The following IVD variants were observed in gnomAD, a reference collection of about 807,000 sequenced individuals.
IVD encodes the protein isovaleryl-CoA dehydrogenase, mitochondrial.
A neutral mutation model predicts 51.3 loss-of-function variants in IVD; 31 were observed. That is an observed-to-expected ratio of 0.60 (90% CI 0.45 to 0.81). IVD has a LOEUF of 0.81. Among genes scored for constraint, IVD ranks in the 40% least tolerant of loss-of-function variants. IVD has a pLI of 0.00. For missense variants in IVD, 475 were observed against 552.0 expected (o/e 0.86, Z 1.40); for synonymous variants, 205 against 219.4 (o/e 0.93, Z 0.58).
In IVD at chr15:40,419,618, T is replaced by A. The variant is rs567297452; in HGVS notation, c.*1355T>A. The A allele has an allele frequency of 1.8e-4, 29 of 161,004 alleles. No individual in the cohort carries two copies. The highest frequency in any genetic ancestry group is 6.5e-4 in the African/African-American group (27 of 41,498). 10.0% of individuals were successfully genotyped at this position (161,004 alleles called of 1,614,324 possible). A position where few individuals can be genotyped will look rare whatever the true frequency, so the allele number is the denominator to read the frequency against. ...CGAGGTCAGGAGTTCAAGACCAGCC[T>A]GGCCAAGATGGTAAAACCTCGTCTC... On this transcript the variant is annotated 3_prime_UTR_variant, in exon 12 of 12. Transcript: ENST00000487418.
Position 40,416,201 on chromosome 15 carries a change from C to A in IVD, c.1065+19C>A. On this transcript the variant is annotated intron_variant, in intron 10 of 11. Coordinates refer to ENST00000487418, the MANE Select transcript of IVD (RefSeq NM_002225.5). ...TGCTAAGGTGAGGGCCAGCCTCAGT[C>A]GGGGAGAGGCGGGGGCAGTGGACCA... 1 of 1,613,202 alleles carries A rather than the reference C, an allele frequency of 6.2e-7. No individual in the cohort carries two copies. The highest frequency in any genetic ancestry group is 1.1e-5 in the South Asian group (1 of 91,022).
downstream of IVD, among the ~76,000 whole-genome samples, chr15:40,423,450 T>G (rs1892479554): frequency 6.6e-6 from 1 of 152,146 alleles, no homozygotes; most frequent in Non-Finnish European, 1.5e-5. Flanking sequence ...TGTAAGCACT[T>G]TTAAGGATAG....
In IVD at chr15:40,420,247, G is replaced by T; in HGVS notation, c.*1984G>T. On this transcript the variant is annotated 3_prime_UTR_variant, in exon 12 of 12. Coordinates refer to ENST00000487418, the MANE Select transcript of IVD (RefSeq NM_002225.5). The stretch of plus-strand genomic sequence containing the variant: ...GAGCCCTTGTGCACCGCCCTGCCAC[G>T]GGCACCATCCAGTCCTGGCCGTGTG... 2 of 987,388 alleles carry T rather than the reference G, an allele frequency of 2.0e-6. No individual in the cohort carries two copies. Among genetic ancestry groups the T allele is most frequent in the Non-Finnish European group, 2.4e-6 (2 of 830,210 alleles). 61.2% of individuals were successfully genotyped at this position (987,388 alleles called of 1,614,324 possible). A position where few individuals can be genotyped will look rare whatever the true frequency, so the allele number is the denominator to read the frequency against.
rs375795386 is a variant in IVD, at chr15:40,413,107, G to A, written c.784+20G>A. ...TTCCTGGTAAGTAGCACCGGGAATC[G>A]GGGAGCCCCTCTCCTGACCCCCTTC... On this transcript the variant is annotated intron_variant, in intron 7 of 11. Coordinates refer to ENST00000487418, the MANE Select transcript of IVD (RefSeq NM_002225.5). 33 of 1,589,242 alleles carry A rather than the reference G, an allele frequency of 2.1e-5. No individual in the cohort carries two copies. The Admixed American group carries it at 2.7e-4, about 13-fold the overall frequency.
rs752443646 is a variant in IVD, at chr15:40,416,197, C to CA, written c.1065+16dup. 3.1e-6 allele frequency: 5 copies of CA among 1,613,862 alleles called. No homozygotes were observed. In the African/African-American group the frequency reaches 6.7e-5, roughly 22 times the overall value. ...GCACTGCTAAGGTGAGGGCCAGCCT[C>CA]AGTCGGGGAGAGGCGGGGGCAGTGG... On this transcript the variant is annotated intron_variant, in intron 10 of 11. Coordinates refer to ENST00000487418, the MANE Select transcript of IVD (RefSeq NM_002225.5).
downstream of IVD, among the ~76,000 whole-genome samples, chr15:40,425,644 C>T (rs1490561403): frequency 6.6e-6 from 1 of 151,872 alleles, no homozygotes; most frequent in Admixed American, 6.6e-5. Flanking sequence ...CCTGGGCCTC[C>T]TAGGTAACTG....
intron 6 of IVD, chr15:40,412,673 C>T: frequency 2.6e-6 from 1 of 384,996 alleles, no homozygotes; most frequent in Non-Finnish European, 5.0e-6. Context: ...GTGACAGTGT[C>T]TTGGAAGTAA....
downstream of IVD, chr15:40,435,778 A>C: frequency 4.4e-6 from 4 of 899,816 alleles, no homozygotes; most frequent in Non-Finnish European, 5.3e-6. Context: ...TCCCCTACCT[A>C]TGGCAGCCTG....
chr15:40,420,440 GAAAC>G lies in IVD; in HGVS notation c.*2182_*2185del, dbSNP rs1892195478. ...TGCCATTTTGTATTAAATATATTGT[GAAAC>G]AAACCTATCTGGGGAGAAGCAATCT... On this transcript the variant is annotated 3_prime_UTR_variant, in exon 12 of 12. Coordinates refer to ENST00000487418, the MANE Select transcript of IVD (RefSeq NM_002225.5). 2.0e-6 allele frequency: 2 copies of G among 987,520 alleles called. No homozygotes were observed. Among genetic ancestry groups the G allele is most frequent in the South Asian group, 9.4e-5 (2 of 21,388 alleles). The allele number at this position is 987,520 out of a possible 1,614,324, so 61.2% of individuals were successfully genotyped here. A position where few individuals can be genotyped will look rare whatever the true frequency, so the allele number is the denominator to read the frequency against.
At chr15:40,415,316 T>G (rs761989230) in intron 8 of IVD, 85 bp from the exon 9 acceptor site, 7 of 1,190,146 alleles carry the variant, frequency 5.9e-6, no homozygotes, top group African/African-American at 1.5e-5. Context: ...TCCCTGGGAT[T>G]CTGGCCTTCC....
intron 9 of IVD, 76 bp from the exon 10 acceptor site, chr15:40,416,002 T>C (rs1345209050): frequency 3.9e-6 from 5 of 1,294,480 alleles, no homozygotes; most frequent in Non-Finnish European, 5.6e-6. Context: ...GGCTGTCTTG[T>C]TGCCATTGCT....
Position 40,405,988 on chromosome 15 carries a change from C to G in IVD, c.144+17C>G. 1 of 1,595,940 alleles carries G rather than the reference C, an allele frequency of 6.3e-7. No individual in the cohort carries two copies. Among genetic ancestry groups the G allele is most frequent in the Non-Finnish European group, 8.5e-7 (1 of 1,171,606 alleles). On this transcript the variant is annotated intron_variant, in intron 1 of 11. Transcript: ENST00000487418. ...CAGAGGCAGGTGAGGAGACTGACCC[C>G]CTTCCTGGCCCCAAGGCCTCCTTCC...
chr15:40,423,507 G>A (rs1892485741), downstream of IVD, among the ~76,000 whole-genome samples: 2 of 152,230 alleles, frequency 1.3e-5, no homozygotes, highest in African/African-American at 4.8e-5. Flanking sequence ...TCTCGCCCAT[G>A]CTGGAGTACA....
At chr15:40,430,920 G>A (rs1287578326) in intron 7 of IVD, among the ~76,000 whole-genome samples, 1 of 152,130 alleles carries the variant, frequency 6.6e-6, no homozygotes, top group Non-Finnish European at 1.5e-5. Context: ...TATGACAATC[G>A]ACTTGCAACA....
At chr15:40,412,316 G>A (rs1298714478) in intron 6 of IVD, among the ~76,000 whole-genome samples, 2 of 152,226 alleles carry the variant, frequency 1.3e-5, no homozygotes, top group Non-Finnish European at 2.9e-5. Context: ...ATCATGAGGA[G>A]GAAGCCAGGG....
chr15:40,415,317 C>T, intron 8 of IVD, 84 bp from the exon 9 acceptor site: 1 of 1,198,598 alleles, frequency 8.3e-7, no homozygotes, highest in Non-Finnish European at 1.2e-6. Context: ...CCCTGGGATT[C>T]TGGCCTTCCC....
In IVD at chr15:40,410,751, T is replaced by C; in HGVS notation, c.410T>C (p.Leu137Pro). ...GAHSNLCINQ[L>P]VRNGNEAQKE... Reference sequence around the variant, plus strand: ...CACTCCAACCTCTGCATCAACCAGCTTGTACGCAATGGGAATGAGGCCCAG... The same window carrying C: ...CACTCCAACCTCTGCATCAACCAGCCTGTACGCAATGGGAATGAGGCCCAG... Residue 137 changes from leucine to proline, a missense_variant, in exon 4 of 12, where the codon CTT becomes CCT. By Grantham distance (98) the Leu-to-Pro change is moderately conservative (BLOSUM62 -3). Coordinates refer to ENST00000487418, the MANE Select transcript of IVD (RefSeq NM_002225.5). 1 of 1,614,176 alleles carries C rather than the reference T, an allele frequency of 6.2e-7. No individual in the cohort carries two copies. Among genetic ancestry groups the C allele is most frequent in the South Asian group, 1.1e-5 (1 of 91,078 alleles).
rs776924775 is a variant in IVD, at chr15:40,410,698, C to T, written c.357C>T (p.Ser119=). The change falls in exon 4 of 12, where the codon TCC becomes TCT. Residue 119 remains serine, a synonymous_variant. Coordinates refer to ENST00000487418, the MANE Select transcript of IVD (RefSeq NM_002225.5). The stretch of plus-strand genomic sequence containing the variant: ...TGATGGAGGAGATATCCCGAGCTTC[C>T]GGAGCAGTGGGGCTCAGTTACGGTG... ...VLVMEEISRA[S]GAVGLSYGAH... The T allele has an allele frequency of 1.1e-5, 17 of 1,614,204 alleles. No individual in the cohort carries two copies. The East Asian group carries it at 1.3e-4, about 13-fold the overall frequency.
intron 5 of IVD, 88 bp downstream of exon 5, chr15:40,411,441 C>G: frequency 1.3e-6 from 2 of 1,597,524 alleles, no homozygotes; most frequent in African/African-American, 2.7e-5. Flanking sequence ...GTGGCCCCTG[C>G]TGGGTTTCCA....
Sources: allele counts gnomAD v4.1 joint callset (sites outside exome capture counted in the v4.1 genomes callset), GRCh38; gene constraint gnomAD v4.1.1; transcripts MANE v1.5; gene names NCBI Gene and HGNC (gene_info 2026-07-23, HGNC 2026-07-21).